ZNF75D: variants seen among roughly 807,000 people sequenced by gnomAD.
ZNF75D encodes the protein zinc finger protein 75.
A neutral mutation model predicts 33.3 loss-of-function variants in ZNF75D; 33 were observed. The observed-to-expected ratio is 0.99, with a 90% CI of 0.75 to 1.32. ZNF75D has a LOEUF of 1.32. Ranked by LOEUF, ZNF75D falls within the 40% of genes most tolerant of loss-of-function variation. ZNF75D has a pLI of 0.00. For missense variants in ZNF75D, 338 were observed against 367.5 expected, an observed-to-expected ratio of 0.92 and a Z score of 0.66; for synonymous variants, 113 against 130.6, an observed-to-expected ratio of 0.87 and a Z score of 0.92.
intron 1 of ZNF75D, among the ~76,000 whole-genome samples, chrX:135,323,644 G>A (rs923341501): frequency 8.9e-6 from 1 of 111,788 alleles, no homozygotes; most frequent in Non-Finnish European, 1.9e-5. Flanking sequence ...GACAGTCATG[G>A]CTTATTCTGG....
At chrX:135,268,495 AT>A (rs2148461527) in intron 1 of ZNF75D, among the ~76,000 whole-genome samples, 1 of 110,594 alleles carries the variant, frequency 9.0e-6, no homozygotes, top group African/African-American at 3.3e-5. Flanking sequence ...AATTAGTCCC[AT>A]TTACAATACT....
intron 1 of ZNF75D, among the ~76,000 whole-genome samples, chrX:135,335,084 C>T (rs2084694120): frequency 9.0e-6 from 1 of 111,160 alleles, no homozygotes; most frequent in South Asian, 3.8e-4. Flanking sequence ...GCTGCAAGGA[C>T]CTACTTCTTT....
intron 1 of ZNF75D, among the ~76,000 whole-genome samples, chrX:135,337,214 A>G (rs1438356248): frequency 2.7e-5 from 3 of 112,572 alleles, no homozygotes; most frequent in Non-Finnish European, 5.6e-5. Flanking sequence ...GTATACACAC[A>G]CATATATACA....
intron 1 of ZNF75D, among the ~76,000 whole-genome samples, chrX:135,314,886 G>A (rs190629732): frequency 9.0e-6 from 1 of 111,455 alleles, no homozygotes; most frequent in Non-Finnish European, 1.9e-5. Flanking sequence ...CTAGCTAGTG[G>A]TTTATCAATT....
chrX:135,267,362 C>T (rs1395135618), intron 1 of ZNF75D, among the ~76,000 whole-genome samples: 1 of 110,892 alleles, frequency 9.0e-6, no homozygotes, highest in African/African-American at 3.3e-5. Flanking sequence ...ATTGGCAAAC[C>T]TTTAGCCAGA....
intron 1 of ZNF75D, among the ~76,000 whole-genome samples, chrX:135,325,425 C>T (rs1475426674): frequency 6.3e-5 from 7 of 111,220 alleles, no homozygotes; most frequent in African/African-American, 1.3e-4. Context: ...AGGCCAGAGC[C>T]GGCTCCCTCA....
chrX:135,309,464 T>C (rs1167060565), intron 1 of ZNF75D: 3 of 296,859 alleles, frequency 1.0e-5, no homozygotes, highest in Non-Finnish European at 1.2e-5. Flanking sequence ...CTGAGGTTGT[T>C]TGGGGCTGCT....
intron 1 of ZNF75D, among the ~76,000 whole-genome samples, chrX:135,307,513 T>C (rs1556426052): frequency 8.9e-6 from 1 of 111,782 alleles, no homozygotes; most frequent in Non-Finnish European, 1.9e-5. Context: ...ACTACCCACC[T>C]GCGTCACACT....
At chrX:135,276,067 T>A (rs1556417546) in intron 1 of ZNF75D, among the ~76,000 whole-genome samples, 2 of 111,441 alleles carry the variant, frequency 1.8e-5, no homozygotes, top group Admixed American at 9.6e-5. Context: ...AGGGTAAAAA[T>A]TTCTTACCAT....
chrX:135,278,657 G>A (rs782035856), intron 1 of ZNF75D, among the ~76,000 whole-genome samples: 22 of 111,789 alleles, frequency 2.0e-4, no homozygotes, highest in Non-Finnish European at 4.0e-4. Context: ...TTTGAGATAT[G>A]TTCCATCAAT....
In ZNF75D at chrX:135,287,438, T is replaced by A. The variant is rs1556419924; in HGVS notation, c.1232A>T (p.His411Leu). 2.5e-6 allele frequency: 3 copies of A among 1,211,527 alleles called. No individual in the cohort carries two copies. Among genetic ancestry groups the A allele is most frequent in the South Asian group, 3.5e-5 (2 of 56,874 alleles). ...RFRWSSDLNKHFMTHQGIKPY... is the reference protein window; with the variant it reads ...RFRWSSDLNKLFMTHQGIKPY... ...TTTTATTCCTTGATGGGTCATGAAG[T>A]GCTTATTAAGATCTGAACTCCATCT... is the stretch of plus-strand genomic sequence containing the variant. The change falls in exon 7 of 7, where the codon CAC (histidine) becomes CTC (leucine). Residue 411 changes from histidine (H) to leucine (L), a missense_variant. This residue lies in a region of ZNF75D where 79 missense variants were observed against 80.1 expected (regional missense o/e 0.99). Coordinates refer to ENST00000370766, the MANE Select transcript of ZNF75D (RefSeq NM_007131.5).
rs782689529 is a variant in ZNF75D, at chrX:135,300,210, G to A, written c.-390-4171C>T. Among the ~76,000 whole-genome samples the A allele has an allele frequency of 1.3e-4, 15 of 111,809 alleles. No individual in the cohort carries two copies. In the East Asian group the frequency reaches 4.2e-3, roughly 31 times the overall value. ...GGTGTTCAATCTTCTTTTTGCAGCA[G>A]AATGTCACAGCTGAACAAAAAATGA... On this transcript the variant is annotated intron_variant, in intron 1 of 6. Coordinates refer to ENST00000370766, the MANE Select transcript of ZNF75D (RefSeq NM_007131.5).
chrX:135,270,352 C>CATATATATATAT (rs530211370), intron 1 of ZNF75D, among the ~76,000 whole-genome samples: 89 of 63,480 alleles, frequency 1.4e-3, no homozygotes, highest in Admixed American at 2.1e-3. Flanking sequence ...CAAAATATCT[C>CATATATATATAT]ATATATATAT....
At chrX:135,258,105 T>C (rs1253410879) in intron 1 of ZNF75D, among the ~76,000 whole-genome samples, 1 of 105,378 alleles carries the variant, frequency 9.5e-6, no homozygotes, top group Admixed American at 1.0e-4. Flanking sequence ...GAATGATGGT[T>C]TCCAGCTTCA....
chrX:135,264,968 C>T (rs1556416105), intron 1 of ZNF75D, among the ~76,000 whole-genome samples: 1 of 112,319 alleles, frequency 8.9e-6, no homozygotes, highest in African/African-American at 3.2e-5. Flanking sequence ...CGCCTGTAAT[C>T]CCAGCACTTT....
rs782432955 is a variant in ZNF75D, at chrX:135,287,152, T to C, written c.1518A>G (p.Leu506=). The C allele has an allele frequency of 1.7e-6, 2 of 1,205,844 alleles. No individual in the cohort carries two copies. Among genetic ancestry groups the C allele is most frequent in the East Asian group, 3.0e-5 (1 of 33,830 alleles). The change falls in exon 7 of 7, where the codon CTA becomes CTG. Residue 506 remains leucine (L), a synonymous_variant. Coordinates refer to ENST00000370766, the MANE Select transcript of ZNF75D (RefSeq NM_007131.5). ...QKLHRRREAC[L]VSPN ...GTAACTTTCCTCAGTTTGGAGACAC[T>C]AGACATGCTTCCCTTCTTCTGTGGA...
rs1294129290 is a variant in ZNF75D at position 135,324,019 on chromosome X, ACACACG to A, written c.-391+17743_-391+17748del. Among the ~76,000 whole-genome samples the A allele has an allele frequency of 7.0e-4, 77 of 109,785 alleles. 1 individual carries two copies. The highest frequency in any genetic ancestry group is 2.5e-3 in the African/African-American group (75 of 30,019). On this transcript the variant is annotated intron_variant, in intron 1 of 6. Coordinates refer to ENST00000370766, the MANE Select transcript of ZNF75D (RefSeq NM_007131.5). ...CACACACACACACACACACACACAC[ACACACG>A]CACACCCAAAGAAGGTTTTTAAGAG... is the stretch of plus-strand genomic sequence containing the variant.
intron 1 of ZNF75D, among the ~76,000 whole-genome samples, chrX:135,308,222 G>C (rs1383445024): frequency 1.8e-5 from 2 of 112,273 alleles, no homozygotes; most frequent in Non-Finnish European, 3.8e-5. Context: ...CATAGTAACC[G>C]TGACTTCACT....
chrX:135,279,863 T>C (rs2083913640), intron 1 of ZNF75D, among the ~76,000 whole-genome samples: 1 of 111,959 alleles, frequency 8.9e-6, no homozygotes, highest in Non-Finnish European at 1.9e-5. Context: ...TGTTATGATT[T>C]CCATTATTTC....
Sources: gnomAD v4.1 joint callset for allele counts (sites outside exome capture counted in the v4.1 genomes callset) on GRCh38, gnomAD v4.1.1 for gene constraint, gnomAD v4.1.1 regional missense constraint, MANE v1.5 for transcripts, NCBI Gene and HGNC (gene_info 2026-07-23, HGNC 2026-07-21) for gene names.